The following ANKFN1 variants were observed in gnomAD, a reference collection of about 807,000 sequenced individuals.
ANKFN1 encodes the protein ankyrin repeat and fibronectin type III domain containing 1, also known as ankyrin repeat and fibronectin type-III domain-containing protein 1.
ANKFN1 carries 74 observed loss-of-function variants against 108.7 expected under a neutral mutation model. The ratio of observed to expected loss-of-function variants is 0.68; its 90% CI spans 0.56 to 0.83. ANKFN1 has a LOEUF of 0.83. Ranked by LOEUF, ANKFN1 falls within the 40% of genes least tolerant of loss-of-function variation. The probability of loss-of-function intolerance (pLI) is 0.00; values close to 1 mark genes in which losing one functional copy is unlikely to be tolerated. For synonymous variants in ANKFN1, 547 were observed against 516.2 expected, an observed-to-expected ratio of 1.06 and a Z score of -0.81; for missense variants, 1,505 against 1,382.3, an observed-to-expected ratio of 1.09 and a Z score of -1.41.
At chr17:56,474,698 G>A (rs1432553794) in intron 15 of ANKFN1, among the ~76,000 whole-genome samples, 1 of 152,100 alleles carries the variant, frequency 6.6e-6, no homozygotes, top group Non-Finnish European at 1.5e-5. Context: ...ATCAAATTCA[G>A]TGAATTTGAA....
Position 56,456,965 on chromosome 17 carries a change from G to A in ANKFN1, c.1307+5G>A. The stretch of plus-strand genomic sequence containing the variant: ...GTTTGTGAAGACCTTAAAACGGTGG[G>A]TTCTATGTAGTTTTTTCAGGAAATC... On this transcript the variant is annotated splice_donor_5th_base_variant and intron_variant, in intron 12 of 20. Coordinates refer to ENST00000682825, the MANE Select transcript of ANKFN1 (RefSeq NM_001370326.1). 6.2e-7 allele frequency: 1 copy of A among 1,610,032 alleles called. No homozygotes were observed. The highest frequency in any genetic ancestry group is 8.5e-7 in the Non-Finnish European group (1 of 1,176,878).
chr17:56,048,750 A>G (rs1194698587), intron 4 of ANKFN1, among the ~76,000 whole-genome samples: 1 of 152,216 alleles, frequency 6.6e-6, no homozygotes, highest in East Asian at 1.9e-4. Context: ...GAGCCAGGGT[A>G]TGCAGGAGGG....
At chr17:56,215,276 C>T (rs1915341041) in intron 2 of ANKFN1, among the ~76,000 whole-genome samples, 1 of 152,194 alleles carries the variant, frequency 6.6e-6, no homozygotes, top group South Asian at 2.1e-4. Context: ...CTATCGCTTA[C>T]CAGCTGTGAC....
At chr17:56,117,884 C>T (rs1906373866) in intron 4 of ANKFN1, among the ~76,000 whole-genome samples, 1 of 152,130 alleles carries the variant, frequency 6.6e-6, no homozygotes, top group Non-Finnish European at 1.5e-5. Flanking sequence ...CAGTCCCTAT[C>T]CATCTCTGCC....
chr17:56,267,764 T>C (rs1478390615), intron 3 of ANKFN1, among the ~76,000 whole-genome samples: 1 of 152,214 alleles, frequency 6.6e-6, no homozygotes, highest in Non-Finnish European at 1.5e-5. Context: ...TGTCTGTTTT[T>C]GTACCAGTAT....
At chr17:56,140,261 G>C (rs1223132825) in intron 4 of ANKFN1, among the ~76,000 whole-genome samples, 1 of 151,926 alleles carries the variant, frequency 6.6e-6, no homozygotes, top group Non-Finnish European at 1.5e-5. Flanking sequence ...ACCAATTTGT[G>C]TCAATTCCTC....
intron 6 of ANKFN1, among the ~76,000 whole-genome samples, chr17:56,363,783 G>A (rs1259636330): frequency 6.6e-6 from 1 of 152,064 alleles, no homozygotes; most frequent in Non-Finnish European, 1.5e-5. Flanking sequence ...TGACAAAATC[G>A]ATGGAATTGG....
intron 3 of ANKFN1, among the ~76,000 whole-genome samples, chr17:56,309,850 A>G (rs1290087206): frequency 1.3e-5 from 2 of 152,194 alleles, no homozygotes; most frequent in Admixed American, 1.3e-4. Context: ...CTCTCTCAAA[A>G]TATCTTATTG....
intron 3 of ANKFN1, among the ~76,000 whole-genome samples, chr17:56,319,272 G>A (rs1169873754): frequency 6.6e-6 from 1 of 152,170 alleles, no homozygotes; most frequent in Non-Finnish European, 1.5e-5. Context: ...ATAGGGTTTT[G>A]AAAAAGCTGA....
chr17:56,205,449 T>C (rs1394319941), intron 1 of ANKFN1, among the ~76,000 whole-genome samples: 2 of 152,264 alleles, frequency 1.3e-5, no homozygotes, highest in Non-Finnish European at 2.9e-5. Flanking sequence ...TTATTGCTCC[T>C]GCTCTCTGCA....
chr17:56,224,653 C>A (rs190304529), intron 2 of ANKFN1: 16 of 152,214 alleles, frequency 1.1e-4, no homozygotes, highest in Admixed American at 2.0e-4. Flanking sequence ...CAGATGACAA[C>A]CAGATGGGAT....
chr17:56,105,717 G>GTGTGTGTA (rs1905738357), intron 4 of ANKFN1, among the ~76,000 whole-genome samples: 2 of 147,384 alleles, frequency 1.4e-5, no homozygotes, highest in Middle Eastern at 3.2e-3. Context: ...TTGTCTGTGT[G>GTGTGTGTA]TGTGTGTGTG....
intron 1 of ANKFN1, among the ~76,000 whole-genome samples, chr17:56,166,602 C>T (rs1229902135): frequency 1.3e-5 from 2 of 152,086 alleles, no homozygotes; most frequent in Non-Finnish European, 2.9e-5. Flanking sequence ...TGAACAGTTC[C>T]TCTAAATGCA....
At chr17:56,272,603 C>A (rs189014385) in intron 3 of ANKFN1, among the ~76,000 whole-genome samples, 1 of 152,120 alleles carries the variant, frequency 6.6e-6, no homozygotes, top group Admixed American at 6.5e-5. Flanking sequence ...TTGCTTCTAC[C>A]TTTTGATTAT....
At chr17:56,342,099 GT>G (rs1433515191) in intron 4 of ANKFN1, among the ~76,000 whole-genome samples, 1 of 151,970 alleles carries the variant, frequency 6.6e-6, no homozygotes, top group African/African-American at 2.4e-5. Flanking sequence ...GCATAGAGGT[GT>G]TTATCATATT....
intron 18 of ANKFN1, among the ~76,000 whole-genome samples, chr17:56,484,651 G>A (rs2050804128): frequency 6.6e-6 from 1 of 152,170 alleles, no homozygotes; most frequent in Non-Finnish European, 1.5e-5. Flanking sequence ...AGAGAAATTG[G>A]ATACTAAACA....
At chr17:56,055,600 C>CACACACAT (rs1567778636) in intron 4 of ANKFN1, among the ~76,000 whole-genome samples, 1 of 33,594 alleles carries the variant, frequency 3.0e-5, no homozygotes, top group African/African-American at 1.3e-4. Context: ...TATATATACA[C>CACACACAT]ATTTTTTTAT....
chr17:56,129,506 T>C (rs1018478123), intron 4 of ANKFN1, among the ~76,000 whole-genome samples: 1 of 151,792 alleles, frequency 6.6e-6, no homozygotes, highest in Admixed American at 6.6e-5. Flanking sequence ...AAAAGTACAA[T>C]GATATATATT....
Position 56,350,983 on chromosome 17 carries a change from T to G in ANKFN1, c.390+16T>G, listed in dbSNP as rs1232965900. ...GACCTCGGTGGTAACAAAACTGTTT[T>G]TATTCTTGTGTCAGTTTGATTTATT... On this transcript the variant is annotated intron_variant, in intron 5 of 20. Coordinates refer to ENST00000682825, the MANE Select transcript of ANKFN1 (RefSeq NM_001370326.1). 6 of 1,610,314 alleles carry G rather than the reference T, an allele frequency of 3.7e-6. No individual in the cohort carries two copies. The highest frequency in any genetic ancestry group is 1.6e-4 in the Middle Eastern group (1 of 6,070).
Sources: gnomAD v4.1 joint callset for allele counts (sites outside exome capture counted in the v4.1 genomes callset) on GRCh38, gnomAD v4.1.1 for gene constraint, MANE v1.5 for transcripts, NCBI Gene and HGNC (gene_info 2026-07-23, HGNC 2026-07-21) for gene names.